The following CYB561 variants were observed in gnomAD, a reference collection of about 807,000 sequenced individuals.
The protein encoded by CYB561 is transmembrane ascorbate-dependent reductase CYB561.
In CYB561, 11 loss-of-function variants were observed where a neutral mutation model predicts 25.3. The ratio of observed to expected loss-of-function variants is 0.44; its 90% CI spans 0.27 to 0.72. CYB561 has a LOEUF of 0.72. Among genes scored for constraint, CYB561 ranks in the 30% least tolerant of loss-of-function variants. The pLI, the probability that CYB561 is intolerant of heterozygous loss-of-function variation, is 0.18. For missense variants in CYB561, 295 were observed against 334.9 expected, an observed-to-expected ratio of 0.88 and a Z score of 0.93; for synonymous variants, 165 against 158.8, an observed-to-expected ratio of 1.04 and a Z score of -0.29.
rs1454997906 is a variant in CYB561, at chr17:63,435,304, C to T, written c.406-61G>A. The T allele has an allele frequency of 3.1e-5, 49 of 1,569,472 alleles. No individual in the cohort carries two copies. In the Admixed American group the frequency reaches 3.2e-4, roughly 10 times the overall value. On this transcript the variant is annotated intron_variant, in intron 4 of 5. Coordinates refer to ENST00000360793, the MANE Select transcript of CYB561 (RefSeq NM_001915.4). ...GGCCGGACACCCCAGCAGCCGAGGT[C>T]GGCCAGGCCCACACCCACGTGCCCA...
intron 1 of CYB561, among the ~76,000 whole-genome samples, chr17:63,442,038 T>C (rs1166740752): frequency 2.0e-5 from 3 of 152,204 alleles, no homozygotes; most frequent in Non-Finnish European, 4.4e-5. Flanking sequence ...CACCTGGGCA[T>C]CTGGGAGGAA....
rs971947592 is a variant in CYB561, at chr17:63,433,745, T to C, written c.*657A>G. 1.3e-5 allele frequency: 3 copies of C among 229,320 alleles called. No individual in the cohort carries two copies. Among genetic ancestry groups the C allele is most frequent in the African/African-American group, 2.3e-5 (1 of 44,306 alleles). The allele number at this position is 229,320 out of a possible 1,614,324, so 14.2% of individuals were successfully genotyped here. ...CCAAGAGAAAGTCTGTCTGAAGTCA[T>C]GGGCTTCTATCCCCTCTCCCACCAA... On this transcript the variant is annotated 3_prime_UTR_variant, in exon 6 of 6. Transcript: ENST00000360793.
intron 1 of CYB561, chr17:63,437,882 GC>G (rs2049328396): frequency 3.9e-6 from 2 of 513,674 alleles, no homozygotes; most frequent in Non-Finnish European, 6.5e-6. Context: ...GATGCGAGCA[GC>G]CCCCCTGAGA....
At chr17:63,440,832 G>C (rs1240191238) in intron 1 of CYB561, 1 of 152,290 alleles carries the variant, frequency 6.6e-6, no homozygotes, top group African/African-American at 2.4e-5. Context: ...TGTACTGAAA[G>C]AAGTGCTGTC....
At chr17:63,435,594 A>G in intron 4 of CYB561, 94 bp downstream of exon 4, 1 of 1,008,634 alleles carries the variant, frequency 9.9e-7, no homozygotes, top group Non-Finnish European at 1.6e-6. Context: ...CCCAGAAATC[A>G]GGCCCTTCCA....
chr17:63,444,629 G>A (rs1306396591), intron 1 of CYB561, among the ~76,000 whole-genome samples: 4 of 152,138 alleles, frequency 2.6e-5, no homozygotes, highest in African/African-American at 9.7e-5. Flanking sequence ...ATTAGCCCCT[G>A]CACACCAAGC....
In CYB561 at chr17:63,434,387, G is replaced by A; in HGVS notation, c.*15C>T. The A allele has an allele frequency of 1.3e-6, 2 of 1,538,510 alleles. No individual in the cohort carries two copies. The highest frequency in any genetic ancestry group is 1.8e-6 in the Non-Finnish European group (2 of 1,137,632). ...AAGAAGACACCCCGCGAACCCCCAG[G>A]GCCGGCCGGGCGCATCACTGGGAGC... is the stretch of plus-strand genomic sequence containing the variant. On this transcript the variant is annotated 3_prime_UTR_variant, in exon 6 of 6. Transcript: ENST00000360793.
intron 1 of CYB561, chr17:63,440,081 A>G (rs1359504921): frequency 7.5e-6 from 3 of 398,388 alleles, no homozygotes; most frequent in Admixed American, 4.4e-5. Context: ...AATAAATCCT[A>G]TTTTTGGAAC....
intron 5 of CYB561, 132 bp from the exon 6 acceptor site, chr17:63,434,726 G>A (rs2049274992): frequency 1.3e-6 from 1 of 767,478 alleles, no homozygotes; most frequent in African/African-American, 1.8e-5. Context: ...TGCCTGAAGA[G>A]AACAACCATC....
intron 1 of CYB561, chr17:63,437,974 C>CCCCCCCCCCCCCCCCAG: frequency 1.5e-6 from 1 of 652,536 alleles, no homozygotes; most frequent in South Asian, 1.8e-5. Flanking sequence ...ACGGCGGCCC[C>CCCCCCCCCCCCCCCCAG]GCCACCCTCC....
In CYB561 at chr17:63,433,048, GTGTTCTTT is replaced by G. The variant is rs1284826361; in HGVS notation, c.*1346_*1353del. ...ACCAGATCCAAGAAGCACATGATCG[GTGTTCTTT>G]TTTTTTTCTTTTTTGAGCCTGTCGC... On this transcript the variant is annotated 3_prime_UTR_variant, in exon 6 of 6. Transcript: ENST00000360793. The G allele has an allele frequency of 4.6e-6, 1 of 218,796 alleles. No homozygotes were observed. The highest frequency in any genetic ancestry group is 9.4e-5 in the East Asian group (1 of 10,636). 13.6% of individuals were successfully genotyped at this position (218,796 alleles called of 1,614,324 possible). A position where few individuals can be genotyped will look rare whatever the true frequency, so the allele number is the denominator to read the frequency against.
Position 63,433,557 on chromosome 17 carries a change from C to T in CYB561, c.*845G>A. The T allele has an allele frequency of 7.7e-6, 3 of 389,434 alleles. No homozygotes were observed. The allele number at this position is 389,434 out of a possible 1,614,324, so 24.1% of individuals were successfully genotyped here. On this transcript the variant is annotated 3_prime_UTR_variant, in exon 6 of 6. Transcript: ENST00000360793. ...ATTATAAGGTTTGTGCCCTCTGCCTCCCAGCCTGAGCAGAGCCTGGGTGAG... is the reference window on the plus strand; with the variant it reads ...ATTATAAGGTTTGTGCCCTCTGCCTTCCAGCCTGAGCAGAGCCTGGGTGAG...
At chr17:63,437,272 G>A (rs1489604006) in intron 2 of CYB561, 74 bp downstream of exon 2, 4 of 1,180,588 alleles carry the variant, frequency 3.4e-6, no homozygotes, top group African/African-American at 3.0e-5. Context: ...CCGCAGGGGT[G>A]ACAAGACCCC....
intron 1 of CYB561, chr17:63,437,970 G>GCGCCC (rs2049330002): frequency 3.1e-6 from 2 of 643,050 alleles, no homozygotes; most frequent in Non-Finnish European, 5.0e-6. Flanking sequence ...TCCCACGGCG[G>GCGCCC]CCCCGCCACC....
intron 5 of CYB561, 32 bp from the exon 6 acceptor site, chr17:63,434,626 C>T (rs1307290201): frequency 6.3e-7 from 1 of 1,578,142 alleles, no homozygotes; most frequent in South Asian, 1.1e-5. Context: ...AGAAGCTGCC[C>T]AAGGGGTCAC....
At position 63,434,413 on chromosome 17, in the gene CYB561, C is replaced by T. The variant is rs754590039; in HGVS notation, c.745G>A (p.Gly249Ser). The change falls in exon 6 of 6, where the codon GGC (glycine) becomes AGC (serine). Residue 249 changes from glycine to serine, a missense_variant. Transcript: ENST00000360793. Reference protein sequence around the residue: ...FKTLTEGDSPGSQ With the variant: ...FKTLTEGDSPSSQ ...GCCGGCCGGGCGCATCACTGGGAGC[C>T]GGGGCTATCTCCCTCCGTCAGCGTC... is the stretch of plus-strand genomic sequence containing the variant. 1.3e-5 allele frequency: 21 copies of T among 1,568,926 alleles called. No homozygotes were observed. The highest frequency in any genetic ancestry group is 9.3e-5 in the South Asian group (8 of 85,788).
At chr17:63,439,460 G>C (rs1033468636) in intron 1 of CYB561, among the ~76,000 whole-genome samples, 1 of 152,098 alleles carries the variant, frequency 6.6e-6, no homozygotes, top group Non-Finnish European at 1.5e-5. Flanking sequence ...TTGAGCTCAG[G>C]AGGCAGAGTT....
chr17:63,444,732 G>A (rs1180905714), intron 1 of CYB561, among the ~76,000 whole-genome samples: 1 of 152,204 alleles, frequency 6.6e-6, no homozygotes, highest in African/African-American at 2.4e-5. Flanking sequence ...TGTTCAGACA[G>A]TAGAGTGCTT....
rs1170341293 is a variant in CYB561 at position 63,437,576 on chromosome 17, G to A, written c.-13-16C>T. On this transcript the variant is annotated splice_polypyrimidine_tract_variant and intron_variant, in intron 1 of 5. Transcript: ENST00000360793. ...GAGGCAAACGCTGCAAGAAAGAGCA[G>A]AGCTCAGAGGAGCAGCGCACAGCAC... is the stretch of plus-strand genomic sequence containing the variant. 1 of 1,591,298 alleles carries A rather than the reference G, an allele frequency of 6.3e-7. No homozygotes were observed.
Sources: allele counts gnomAD v4.1 joint callset (sites outside exome capture counted in the v4.1 genomes callset), GRCh38; gene constraint gnomAD v4.1.1; transcripts MANE v1.5; gene names NCBI Gene and HGNC (gene_info 2026-07-23, HGNC 2026-07-21).